Variants in GBE1 observed in about 807,000 individuals in gnomAD.
GBE1 encodes the protein 1,4-alpha-glucan branching enzyme 1.
Under a neutral mutation model 88.8 loss-of-function variants are expected in GBE1, and 70 were observed. That is an observed-to-expected ratio of 0.79 (90% confidence interval 0.65 to 0.96). The LOEUF (loss-of-function observed/expected upper bound fraction) is 0.96, where lower values mean the gene tolerates loss of function less well. Ranked by LOEUF, GBE1 falls within the 40% of genes least tolerant of loss-of-function variation. GBE1 has a pLI of 0.00. For missense variants in GBE1, 872 were observed against 871.0 expected, an observed-to-expected ratio of 1.00 and a Z score of -0.01; for synonymous variants, 284 against 300.1, an observed-to-expected ratio of 0.95 and a Z score of 0.56.
At chr3:81,612,222 A>T in intron 7 of GBE1, 1 of 317,098 alleles carries the variant, frequency 3.2e-6, no homozygotes, top group Non-Finnish European at 5.2e-6. Flanking sequence ...CGCTCCTTTA[A>T]AAAAAAAAAA....
At chr3:81,541,807 G>A (rs1274922326) in intron 12 of GBE1, among the ~76,000 whole-genome samples, 7 of 152,040 alleles carry the variant, frequency 4.6e-5, no homozygotes, top group Admixed American at 4.6e-4. Flanking sequence ...AAGATAATAA[G>A]GACTGAAGAG....
chr3:81,585,189 C>A (rs1293924708), intron 10 of GBE1, among the ~76,000 whole-genome samples: 5 of 151,874 alleles, frequency 3.3e-5, no homozygotes, highest in Admixed American at 6.6e-5. Flanking sequence ...TATGTTGGTC[C>A]AAGTTTAATG....
rs746473533 is a variant in GBE1 at position 81,591,129 on chromosome 3, C to G, written c.1144G>C (p.Gly382Arg). 6.2e-7 allele frequency: 1 copy of G among 1,605,760 alleles called. No individual in the cohort carries two copies. The highest frequency in any genetic ancestry group is 1.3e-5 in the African/African-American group (1 of 74,834). The change falls in exon 9 of 16, where the codon GGA becomes CGA. Residue 382 changes from glycine (G) to arginine (R), a missense_variant. By Grantham distance (125) the Gly-to-Arg change is moderately radical. Transcript: ENST00000429644. ...GFSGDYSEYF[G>R]LQVDEDALTY... ...AAGGCATCTTCATCTACTTGTAGTC[C>G]GAAATATTCACTGTAATCACCTGAG...
At chr3:81,599,190 C>T (rs1703998544) in intron 7 of GBE1, among the ~76,000 whole-genome samples, 1 of 151,916 alleles carries the variant, frequency 6.6e-6, no homozygotes, top group African/African-American at 2.4e-5. Flanking sequence ...GAGAAATTTC[C>T]AAGTCATGTT....
intron 15 of GBE1, among the ~76,000 whole-genome samples, chr3:81,493,074 G>T (rs1389749651): frequency 6.6e-6 from 1 of 152,112 alleles, no homozygotes; most frequent in Admixed American, 6.5e-5. Context: ...ACAGTAACTG[G>T]ATTTAACTAA....
chr3:81,605,996 A>AGCT (rs1257111658), intron 7 of GBE1, among the ~76,000 whole-genome samples: 7 of 152,190 alleles, frequency 4.6e-5, no homozygotes, highest in Non-Finnish European at 7.4e-5. Flanking sequence ...GCAGGATCAA[A>AGCT]GCTGTTAACT....
intron 12 of GBE1, among the ~76,000 whole-genome samples, chr3:81,547,625 TTCTCTC>T (rs56681369): frequency 0.066 from 9,167 of 138,252 alleles, 460 homozygotes; most frequent in Middle Eastern, 0.13. Flanking sequence ...GGTTCGTTTG[TTCTCTC>T]TCTCTCTCTC....
rs116171102 is a variant in GBE1 at position 81,669,512 on chromosome 3, G to T, written c.429+1326C>A. On this transcript the variant is annotated intron_variant, in intron 3 of 15. Transcript: ENST00000429644. ...AAACTATCGAAGAATCAAATTATTT[G>T]ATTTACTTCTTCAAAGACTGAGTCT... 3.8e-3 allele frequency among the ~76,000 whole-genome samples: 578 copies of T among 152,024 alleles called. 4 individuals carry two copies. The highest frequency in any genetic ancestry group is 7.1e-3 in the Non-Finnish European group (482 of 67,958).
chr3:81,689,938 C>G (rs1705495888), intron 2 of GBE1, among the ~76,000 whole-genome samples: 1 of 152,072 alleles, frequency 6.6e-6, no homozygotes, highest in South Asian at 2.1e-4. Context: ...CATTTTTTCC[C>G]TTTTCACCCA....
intron 7 of GBE1, among the ~76,000 whole-genome samples, chr3:81,635,404 T>C (rs1352307276): frequency 6.6e-6 from 1 of 152,160 alleles, no homozygotes; most frequent in Non-Finnish European, 1.5e-5. Context: ...AAATGAATAA[T>C]TTTATATTAC....
intron 1 of GBE1, among the ~76,000 whole-genome samples, chr3:81,737,018 G>A (rs1345109995): frequency 1.3e-5 from 2 of 151,852 alleles, no homozygotes; most frequent in Non-Finnish European, 2.9e-5. Context: ...GGTGGCTTTG[G>A]ACTAAGAAGC....
At chr3:81,536,863 T>G (rs778830162) in intron 13 of GBE1, 48 bp downstream of exon 13, 1 of 1,412,052 alleles carries the variant, frequency 7.1e-7, no homozygotes, top group South Asian at 1.4e-5. Flanking sequence ...ATTCTAGGCA[T>G]GTACCTCATT....
intron 12 of GBE1, among the ~76,000 whole-genome samples, chr3:81,575,548 T>C (rs1576155510): frequency 6.6e-6 from 1 of 152,166 alleles, no homozygotes; most frequent in South Asian, 2.1e-4. Context: ...ATATGTGCTA[T>C]ACAAATGTAT....
chr3:81,556,393 A>C (rs1576147689), intron 12 of GBE1, among the ~76,000 whole-genome samples: 1 of 152,210 alleles, frequency 6.6e-6, no homozygotes, highest in Non-Finnish European at 1.5e-5. Flanking sequence ...ATGGCACAAC[A>C]GTTATTGGAG....
chr3:81,669,494 C>A (rs892930008), intron 3 of GBE1, among the ~76,000 whole-genome samples: 3 of 152,026 alleles, frequency 2.0e-5, no homozygotes, highest in Non-Finnish European at 2.9e-5. Flanking sequence ...TATAAACTAT[C>A]GAAGAATCAA....
At chr3:81,646,662 A>G (rs1335607700) in intron 5 of GBE1, among the ~76,000 whole-genome samples, 180 bp from the exon 6 acceptor site, 1 of 152,184 alleles carries the variant, frequency 6.6e-6, no homozygotes, top group Non-Finnish European at 1.5e-5. Flanking sequence ...AACATTGGAT[A>G]GTCTCTTAGA....
intron 15 of GBE1, among the ~76,000 whole-genome samples, chr3:81,491,614 A>T (rs571450587): frequency 6.6e-6 from 1 of 152,324 alleles, no homozygotes; most frequent in African/African-American, 2.4e-5. Context: ...AACAGTAAAA[A>T]TAATATTGTA....
chr3:81,659,484 T>C (rs1222208638), intron 3 of GBE1, among the ~76,000 whole-genome samples: 1 of 150,604 alleles, frequency 6.6e-6, no homozygotes, highest in Non-Finnish European at 1.5e-5. Flanking sequence ...TACAGGTGCA[T>C]GCCACCACGC....
intron 12 of GBE1, among the ~76,000 whole-genome samples, chr3:81,566,818 T>C (rs941410581): frequency 1.3e-5 from 2 of 152,148 alleles, no homozygotes; most frequent in African/African-American, 4.8e-5. Context: ...TGTATAAACA[T>C]TTACCTTTCC....
Sources: gnomAD v4.1 joint callset for allele counts (sites outside exome capture counted in the v4.1 genomes callset) on GRCh38, gnomAD v4.1.1 for gene constraint, MANE v1.5 for transcripts, NCBI Gene and HGNC (gene_info 2026-07-23, HGNC 2026-07-21) for gene names.